PDSS2: variants seen among roughly 807,000 people sequenced by gnomAD.
The protein encoded by PDSS2 is decaprenyl diphosphate synthase subunit 2.
A neutral mutation model predicts 44.5 loss-of-function variants in PDSS2; 31 were observed. That is an observed-to-expected ratio of 0.70 (90% confidence interval 0.52 to 0.94). The LOEUF (loss-of-function observed/expected upper bound fraction) is 0.94, where lower values mean the gene tolerates loss of function less well. Ranked by LOEUF, PDSS2 falls within the 40% of genes least tolerant of loss-of-function variation. PDSS2 has a pLI of 0.00. For missense variants in PDSS2, 452 were observed against 482.2 expected (o/e 0.94, Z 0.59); for synonymous variants, 157 against 180.3 (o/e 0.87, Z 1.03).
chr6:107,401,129 A>T (rs1780093767), intron 1 of PDSS2, among the ~76,000 whole-genome samples: 1 of 152,154 alleles, frequency 6.6e-6, no homozygotes, highest in African/African-American at 2.4e-5. Flanking sequence ...TCAACATGCA[A>T]AGCCCATTAC....
At chr6:107,280,346 G>A (rs1403486094) in intron 2 of PDSS2, among the ~76,000 whole-genome samples, 1 of 152,162 alleles carries the variant, frequency 6.6e-6, no homozygotes, top group African/African-American at 2.4e-5. Flanking sequence ...ACAGGCCTAA[G>A]CCACTATGCT....
At chr6:107,370,170 GTAGT>G (rs1310593464) in intron 1 of PDSS2, among the ~76,000 whole-genome samples, 2 of 152,152 alleles carry the variant, frequency 1.3e-5, no homozygotes, top group African/African-American at 2.4e-5. Flanking sequence ...CTCACTTCTA[GTAGT>G]TAGAGTTCTG....
chr6:107,400,190 C>G (rs1397954452), intron 1 of PDSS2, among the ~76,000 whole-genome samples: 1 of 152,038 alleles, frequency 6.6e-6, no homozygotes, highest in South Asian at 2.1e-4. Flanking sequence ...TGAGAAGGAG[C>G]AGCAGAGGGA....
chr6:107,265,926 G>A (rs963538167), intron 3 of PDSS2, among the ~76,000 whole-genome samples: 62 of 152,130 alleles, frequency 4.1e-4, no homozygotes, highest in Admixed American at 4.1e-3. Flanking sequence ...GGCAACAAGA[G>A]CAAAACTGTC....
chr6:107,304,667 A>G (rs905413150), intron 2 of PDSS2, among the ~76,000 whole-genome samples: 1 of 152,248 alleles, frequency 6.6e-6, no homozygotes, highest in African/African-American at 2.4e-5. Context: ...AGTCCTTAGA[A>G]CAATAACTTC....
chr6:107,323,662 T>C (rs1395829486), intron 2 of PDSS2, among the ~76,000 whole-genome samples: 1 of 152,178 alleles, frequency 6.6e-6, no homozygotes, highest in Non-Finnish European at 1.5e-5. Flanking sequence ...GCTACTAAGC[T>C]GACTCTGCCA....
chr6:107,344,028 A>G (rs1433950407), intron 1 of PDSS2, among the ~76,000 whole-genome samples: 2 of 152,184 alleles, frequency 1.3e-5, no homozygotes, highest in Non-Finnish European at 2.9e-5. Context: ...GACTTAGTAT[A>G]TTATAGTTGT....
intron 3 of PDSS2, among the ~76,000 whole-genome samples, chr6:107,248,594 G>C (rs762365455): frequency 1.3e-5 from 2 of 149,084 alleles, no homozygotes; most frequent in Non-Finnish European, 3.0e-5. Flanking sequence ...CTAATAATTT[G>C]ATTGTGAGAT....
At chr6:107,458,001 A>C (rs980690229) in intron 1 of PDSS2, among the ~76,000 whole-genome samples, 5 of 152,190 alleles carry the variant, frequency 3.3e-5, no homozygotes, top group African/African-American at 1.2e-4. Context: ...AGATATATAC[A>C]CGTGAATAGT....
intron 1 of PDSS2, among the ~76,000 whole-genome samples, chr6:107,387,464 A>T (rs1215030838): frequency 6.6e-6 from 1 of 152,230 alleles, no homozygotes; most frequent in African/African-American, 2.4e-5. Context: ...TGTAGGAATA[A>T]GGGAGAGAAA....
intron 4 of PDSS2, among the ~76,000 whole-genome samples, chr6:107,237,466 C>A (rs1774262387): frequency 6.6e-6 from 1 of 151,862 alleles, no homozygotes; most frequent in Non-Finnish European, 1.5e-5. Context: ...TGGTTTCGAA[C>A]TCCTGACCTC....
At chr6:107,368,299 A>T (rs528231172) in intron 1 of PDSS2, among the ~76,000 whole-genome samples, 26 of 152,064 alleles carry the variant, frequency 1.7e-4, no homozygotes, top group Non-Finnish European at 1.3e-4. Flanking sequence ...GTATTTCTAT[A>T]TATCAGCAAC....
chr6:107,243,462 G>C (rs1465004585), intron 4 of PDSS2, among the ~76,000 whole-genome samples: 1 of 152,204 alleles, frequency 6.6e-6, no homozygotes, highest in Non-Finnish European at 1.5e-5. Flanking sequence ...AATGGTAAGA[G>C]TAGATAAATT....
Position 107,154,552 on chromosome 6 carries a change from C to A in PDSS2, c.*67G>T, listed in dbSNP as rs782558407. On this transcript the variant is annotated 3_prime_UTR_variant, in exon 8 of 8. Coordinates refer to ENST00000369037, the MANE Select transcript of PDSS2 (RefSeq NM_020381.4). The stretch of plus-strand genomic sequence containing the variant: ...AAAAGTCATTAACGCATCGTGAAAG[C>A]GCTCCCAATCAACCTCATTCCCTAG... 3.5e-6 allele frequency: 5 copies of A among 1,444,382 alleles called. No individual in the cohort carries two copies. The highest frequency in any genetic ancestry group is 2.8e-5 in the African/African-American group (2 of 71,594). 89.5% of individuals were successfully genotyped at this position (1,444,382 alleles called of 1,614,324 possible).
At chr6:107,351,023 C>T (rs915326822) in intron 1 of PDSS2, among the ~76,000 whole-genome samples, 11 of 151,272 alleles carry the variant, frequency 7.3e-5, no homozygotes. Context: ...GAATTATACA[C>T]AAATTAATTT....
intron 4 of PDSS2, among the ~76,000 whole-genome samples, chr6:107,236,744 T>C (rs1276335117): frequency 6.6e-6 from 1 of 152,186 alleles, no homozygotes; most frequent in Admixed American, 6.5e-5. Flanking sequence ...CAATCTTTAA[T>C]GTCCATCTCA....
intron 7 of PDSS2, among the ~76,000 whole-genome samples, chr6:107,168,206 GA>G (rs1554247872): frequency 6.6e-6 from 1 of 152,164 alleles, no homozygotes; most frequent in Non-Finnish European, 1.5e-5. Flanking sequence ...TCTTCTTGTT[GA>G]AATGATCCCT....
chr6:107,430,453 T>C (rs955733351), intron 1 of PDSS2, among the ~76,000 whole-genome samples: 4 of 151,988 alleles, frequency 2.6e-5, no homozygotes, highest in East Asian at 1.9e-4. Context: ...TGGGCCAAGA[T>C]TGTGCCACTG....
chr6:107,255,706 A>G (rs1277612402), intron 3 of PDSS2, among the ~76,000 whole-genome samples: 1 of 152,134 alleles, frequency 6.6e-6, no homozygotes, highest in Non-Finnish European at 1.5e-5. Context: ...ATTATTCAAT[A>G]TCATGCTGAA....
Sources: gnomAD v4.1 joint callset for allele counts (sites outside exome capture counted in the v4.1 genomes callset) on GRCh38, gnomAD v4.1.1 for gene constraint, MANE v1.5 for transcripts, NCBI Gene and HGNC (gene_info 2026-07-23, HGNC 2026-07-21) for gene names.